THSD7A: variants seen among roughly 807,000 people sequenced by gnomAD.
THSD7A encodes the protein thrombospondin type-1 domain-containing protein 7A.
A neutral mutation model predicts 231.3 loss-of-function variants in THSD7A; 96 were observed. The ratio of observed to expected loss-of-function variants is 0.41; its 90% CI spans 0.35 to 0.49. The LOEUF (loss-of-function observed/expected upper bound fraction) is 0.49. Ranked by LOEUF, THSD7A falls within the 20% of genes least tolerant of loss-of-function variation. The pLI, the probability that THSD7A is intolerant of heterozygous loss-of-function variation, is 0.05. For missense variants in THSD7A, 2,290 were observed against 2,070.2 expected (o/e 1.11, Z -2.06); for synonymous variants, 940 against 743.3 (o/e 1.26, Z -4.30).
In THSD7A at chr7:11,541,720, A is replaced by G. The variant is rs928416310; in HGVS notation, c.1610-89T>C. On this transcript the variant is annotated intron_variant, in intron 5 of 27. Transcript: ENST00000423059. ...AATAAAACCTCAGAGTAAAAGTTGG[A>G]TAAGAGTGGAGGTAGAAGTCATTTC... 4.1e-6 allele frequency: 5 copies of G among 1,230,550 alleles called. No homozygotes were observed. In the East Asian group the frequency reaches 7.5e-5, roughly 19 times the overall value. 76.2% of individuals were successfully genotyped at this position (1,230,550 alleles called of 1,614,324 possible). A position where few individuals can be genotyped will look rare whatever the true frequency, so the allele number is the denominator to read the frequency against.
At chr7:11,638,049 G>A (rs984604993) in intron 1 of THSD7A, among the ~76,000 whole-genome samples, 1 of 152,140 alleles carries the variant, frequency 6.6e-6, no homozygotes, top group Non-Finnish European at 1.5e-5. Context: ...GCCAACATGT[G>A]GGGTGGGCTC....
rs1470881883 is a variant in THSD7A, at chr7:11,680,484, G to C, written c.191-43523C>G. ...AAGGGCTAATTTCCAGAATCTACAA[G>C]CAACTTAAACAAATTTACAAGAAAA... On this transcript the variant is annotated intron_variant, in intron 1 of 27. Coordinates refer to ENST00000423059, the MANE Select transcript of THSD7A (RefSeq NM_015204.3). 3.3e-5 allele frequency among the ~76,000 whole-genome samples: 5 copies of C among 151,876 alleles called. No individual in the cohort carries two copies. The East Asian group carries it at 9.7e-4, about 29-fold the overall frequency.
chr7:11,481,974 C>T lies in THSD7A; in HGVS notation c.1831G>A (p.Val611Ile). 6.3e-7 allele frequency: 1 copy of T among 1,593,738 alleles called. No individual in the cohort carries two copies. Among genetic ancestry groups the T allele is most frequent in the Non-Finnish European group, 8.6e-7 (1 of 1,168,312 alleles). Residue 611 changes from valine (V) to isoleucine (I), a missense_variant, in exon 7 of 28, where the codon GTT (valine) becomes ATT (isoleucine). Physicochemically the swap from Val to Ile is conservative, Grantham distance 29. Coordinates refer to ENST00000423059, the MANE Select transcript of THSD7A (RefSeq NM_015204.3). ...VVCINSDGEE[V>I]DRQLCRDAIF... Reference sequence around the variant, plus strand: ...GCATCTCTGCACAGCTGTCTGTCAACTTCTTCTCCTGGGGAAAACATGACC... The same window carrying T: ...GCATCTCTGCACAGCTGTCTGTCAATTTCTTCTCCTGGGGAAAACATGACC...
At chr7:11,710,925 A>G (rs976146095) in intron 1 of THSD7A, among the ~76,000 whole-genome samples, 1 of 150,890 alleles carries the variant, frequency 6.6e-6, no homozygotes, top group Non-Finnish European at 1.5e-5. Context: ...AAAATAATAT[A>G]TACAATAAAA....
chr7:11,537,628 T>C (rs933237881), intron 6 of THSD7A, among the ~76,000 whole-genome samples: 10 of 129,670 alleles, frequency 7.7e-5, no homozygotes, highest in Admixed American at 7.0e-4. Flanking sequence ...ATGCTTCCTG[T>C]ACAGCGCCAT....
At position 11,411,449 on chromosome 7, in the gene THSD7A, C is replaced by A; in HGVS notation, c.3683-127G>T. The A allele has an allele frequency of 1.5e-6, 1 of 651,130 alleles. No individual in the cohort carries two copies. 40.3% of individuals were successfully genotyped at this position (651,130 alleles called of 1,614,324 possible). On this transcript the variant is annotated intron_variant, in intron 18 of 27. Coordinates refer to ENST00000423059, the MANE Select transcript of THSD7A (RefSeq NM_015204.3). This position sits in a 1 kb window ranked among gnomAD's most constrained non-coding sequence, Gnocchi z 4.1. Reference sequence around the variant, plus strand: ...CCTAAGCCCCATAATCAATCATCCCCCATGCAGAGCATATGGGTCCCAGCT... The same window carrying A: ...CCTAAGCCCCATAATCAATCATCCCACATGCAGAGCATATGGGTCCCAGCT...
At chr7:11,430,639 T>C (rs1784452777) in intron 13 of THSD7A, among the ~76,000 whole-genome samples, 1 of 150,754 alleles carries the variant, frequency 6.6e-6, no homozygotes, top group Non-Finnish European at 1.5e-5. Context: ...CGAATTTTCA[T>C]ATATATATAT....
intron 23 of THSD7A, among the ~76,000 whole-genome samples, chr7:11,398,940 A>G (rs980055805): frequency 1.3e-5 from 2 of 152,238 alleles, no homozygotes; most frequent in African/African-American, 2.4e-5. Flanking sequence ...AGCTAACTAG[A>G]TAACTTCCTC....
chr7:11,421,669 C>T (rs1383352451), intron 16 of THSD7A, among the ~76,000 whole-genome samples: 3 of 152,056 alleles, frequency 2.0e-5, no homozygotes, highest in African/African-American at 7.2e-5. Context: ...TATTAATGGA[C>T]TATTACTTTA....
intron 1 of THSD7A, among the ~76,000 whole-genome samples, chr7:11,675,232 G>A (rs142688424): frequency 0.01 from 1,524 of 152,134 alleles, 33 homozygotes; most frequent in African/African-American, 0.034. Context: ...AGTGCTATTC[G>A]GCACAGATAC....
At chr7:11,457,868 G>A (rs1386831593) in intron 11 of THSD7A, among the ~76,000 whole-genome samples, 4 of 152,002 alleles carry the variant, frequency 2.6e-5, no homozygotes, top group Non-Finnish European at 5.9e-5. Flanking sequence ...GTCCCAACCC[G>A]TACTTTAAGT....
chr7:11,799,973 G>C (rs967178631), intron 1 of THSD7A, among the ~76,000 whole-genome samples: 3 of 152,144 alleles, frequency 2.0e-5, no homozygotes, highest in Non-Finnish European at 4.4e-5. Context: ...AAATAACATA[G>C]AACAAGGCTC....
chr7:11,572,360 C>T (rs1790675158), intron 4 of THSD7A, among the ~76,000 whole-genome samples: 1 of 152,134 alleles, frequency 6.6e-6, no homozygotes, highest in East Asian at 1.9e-4. Context: ...TTTTGCAATC[C>T]TCAATTATTA....
intron 8 of THSD7A, among the ~76,000 whole-genome samples, chr7:11,471,544 A>G (rs913265349): frequency 6.6e-6 from 1 of 152,032 alleles, no homozygotes; most frequent in Non-Finnish European, 1.5e-5. Flanking sequence ...TTATTCAATT[A>G]TATAGATCAA....
At chr7:11,809,310 G>A (rs1269877336) in intron 1 of THSD7A, among the ~76,000 whole-genome samples, 1 of 152,166 alleles carries the variant, frequency 6.6e-6, no homozygotes, top group Admixed American at 6.6e-5. Flanking sequence ...TCAGGGAGGA[G>A]GATCACAAGA....
intron 14 of THSD7A, among the ~76,000 whole-genome samples, chr7:11,428,348 A>G (rs953771769): frequency 2.6e-5 from 4 of 152,174 alleles, no homozygotes; most frequent in South Asian, 2.1e-4. Flanking sequence ...GAACAGAACG[A>G]CAACTATTAA....
In THSD7A at chr7:11,651,897, A is replaced by T. The variant is rs554765130; in HGVS notation, c.191-14936T>A. Among the ~76,000 whole-genome samples the T allele has an allele frequency of 1.6e-3, 241 of 152,134 alleles. 1 individual carries two copies. The highest frequency in any genetic ancestry group is 5.5e-3 in the African/African-American group (228 of 41,546). On this transcript the variant is annotated intron_variant, in intron 1 of 27. Coordinates refer to ENST00000423059, the MANE Select transcript of THSD7A (RefSeq NM_015204.3). Reference sequence around the variant, plus strand: ...CTGATGACATTATATTATCAATTGTATACCTCAAGAACTGCAATATAGTTT... The same window carrying T: ...CTGATGACATTATATTATCAATTGTTTACCTCAAGAACTGCAATATAGTTT...
chr7:11,389,272 G>T (rs961163128), intron 23 of THSD7A, among the ~76,000 whole-genome samples: 7 of 151,890 alleles, frequency 4.6e-5, no homozygotes, highest in African/African-American at 1.5e-4. Context: ...ATGAATCCGG[G>T]CGCTCCTGCA....
chr7:11,689,653 C>T (rs1461391023), intron 1 of THSD7A, among the ~76,000 whole-genome samples: 1 of 151,548 alleles, frequency 6.6e-6, no homozygotes. Context: ...AAATGCCATT[C>T]CCAGGTGCAA....
Sources: allele counts gnomAD v4.1 joint callset (sites outside exome capture counted in the v4.1 genomes callset), GRCh38; gene constraint gnomAD v4.1.1; non-coding constraint Gnocchi (gnomAD v3.1); transcripts MANE v1.5; gene names NCBI Gene and HGNC (gene_info 2026-07-23, HGNC 2026-07-21).